SASH1: variants seen among roughly 807,000 people sequenced by gnomAD.
SASH1 encodes SAM and SH3 domain-containing protein 1.
A neutral mutation model predicts 125.2 loss-of-function variants in SASH1; 44 were observed. The ratio of observed to expected loss-of-function variants is 0.35; its 90% confidence interval spans 0.28 to 0.45. The LOEUF (loss-of-function observed/expected upper bound fraction) is 0.45. Ranked by LOEUF, SASH1 falls within the 20% of genes least tolerant of loss-of-function variation. The probability of loss-of-function intolerance (pLI) is 1.00; values close to 1 mark genes in which losing one functional copy is unlikely to be tolerated. For synonymous variants in SASH1, 639 were observed against 649.1 expected (o/e 0.98, Z 0.24); for missense variants, 1,426 against 1,614.5 (o/e 0.88, Z 2.00).
chr6:148,319,891 G>A (rs981105786), intron 1 of SASH1, among the ~76,000 whole-genome samples: 9 of 152,136 alleles, frequency 5.9e-5, no homozygotes, highest in Admixed American at 4.6e-4. Flanking sequence ...ATCCCTCCCA[G>A]GATGTGACTC....
the SASH1 span, among the ~76,000 whole-genome samples, chr6:148,244,676 G>T: frequency 3.3e-5 from 5 of 152,138 alleles, no homozygotes; most frequent in African/African-American, 1.2e-4. Context: ...TGTTGTTGCT[G>T]CTGTTGTTTC....
chr6:148,418,951 T>C (rs902486019), intron 2 of SASH1, among the ~76,000 whole-genome samples: 2 of 152,206 alleles, frequency 1.3e-5, no homozygotes, highest in Non-Finnish European at 2.9e-5. Context: ...GATTGAATCT[T>C]CCTTGAAACT....
intron 18 of SASH1, 116 bp from the exon 19 acceptor site, chr6:148,545,899 C>A: frequency 1.0e-6 from 1 of 996,512 alleles, no homozygotes; most frequent in Non-Finnish European, 1.5e-6. Flanking sequence ...CATGATCACA[C>A]CACTGCACTC....
chr6:148,444,376 G>A (rs1329060880), intron 4 of SASH1, among the ~76,000 whole-genome samples: 1 of 152,254 alleles, frequency 6.6e-6, no homozygotes, highest in Non-Finnish European at 1.5e-5. Context: ...GAGACAAGCA[G>A]TGAGATTTCC....
At chr6:148,497,721 A>C (rs1779372220) in intron 8 of SASH1, among the ~76,000 whole-genome samples, 1 of 152,254 alleles carries the variant, frequency 6.6e-6, no homozygotes, top group African/African-American at 2.4e-5. Flanking sequence ...ACTTAATGTA[A>C]AAGTGCATAC....
intron 1 of SASH1, among the ~76,000 whole-genome samples, chr6:148,378,300 C>T (rs1583050202): frequency 6.6e-6 from 1 of 151,970 alleles, no homozygotes; most frequent in East Asian, 1.9e-4. Flanking sequence ...GTGATCCACC[C>T]GCCTCAGCCT....
chr6:148,208,901 A>C, the SASH1 span, among the ~76,000 whole-genome samples: 1 of 152,228 alleles, frequency 6.6e-6, no homozygotes, highest in African/African-American at 2.4e-5. Context: ...AGATGTGGCC[A>C]TTTGCTATAA....
At chr6:148,312,814 T>C (rs1780367935) in intron 1 of SASH1, among the ~76,000 whole-genome samples, 1 of 152,110 alleles carries the variant, frequency 6.6e-6, no homozygotes, top group African/African-American at 2.4e-5. Flanking sequence ...TAGGTTCTAT[T>C]GTCCTATAGG....
intron 2 of SASH1, among the ~76,000 whole-genome samples, chr6:148,439,520 T>C (rs1201314401): frequency 6.6e-6 from 1 of 152,164 alleles, no homozygotes; most frequent in Non-Finnish European, 1.5e-5. Flanking sequence ...GGCTCATGCC[T>C]GTAATCCCAG....
chr6:148,290,825 C>A (rs1481042766), intron 1 of SASH1, among the ~76,000 whole-genome samples: 3 of 147,384 alleles, frequency 2.0e-5, no homozygotes, highest in Non-Finnish European at 3.0e-5. Flanking sequence ...TCCTATGACC[C>A]TGCCAAATCC....
At position 148,547,348 on chromosome 6, in the gene SASH1, G is replaced by A. The variant is rs117826018; in HGVS notation, c.3481-947G>A. Among the ~76,000 whole-genome samples, 1,111 of 152,244 alleles carry A rather than the reference G, an allele frequency of 7.3e-3. 8 individuals are homozygous for A. Among genetic ancestry groups the A allele is most frequent in the Non-Finnish European group, 0.012 (821 of 68,002 alleles). ...TTAGACAAAGGGATGATTGTCAGGT[G>A]GGACAGAGCTGGGTGGTGTGAGATT... On this transcript the variant is annotated intron_variant, in intron 19 of 19. Coordinates refer to ENST00000367467, the MANE Select transcript of SASH1 (RefSeq NM_015278.5).
At chr6:148,427,295 G>T (rs1298879930) in intron 2 of SASH1, among the ~76,000 whole-genome samples, 1 of 152,148 alleles carries the variant, frequency 6.6e-6, no homozygotes, top group Non-Finnish European at 1.5e-5. Flanking sequence ...TTATAGTGTG[G>T]ATATGCCAAG....
At chr6:148,306,756 A>G (rs985964253) in intron 1 of SASH1, among the ~76,000 whole-genome samples, 1 of 152,308 alleles carries the variant, frequency 6.6e-6, no homozygotes. Flanking sequence ...AAGAGGCTGT[A>G]GAACACATCA....
At chr6:148,525,905 C>G (rs1781118119) in intron 11 of SASH1, among the ~76,000 whole-genome samples, 1 of 152,156 alleles carries the variant, frequency 6.6e-6, no homozygotes, top group Non-Finnish European at 1.5e-5. Context: ...GACCAGATCC[C>G]TCAGGGGTCT....
rs375953532 is a variant in SASH1 at position 148,543,671 on chromosome 6, G to A, written c.2210-9G>A. 3.2e-5 allele frequency: 48 copies of A among 1,520,244 alleles called. No individual in the cohort carries two copies. Among genetic ancestry groups the A allele is most frequent in the Non-Finnish European group, 4.1e-5 (47 of 1,135,212 alleles). 94.2% of individuals were successfully genotyped at this position (1,520,244 alleles called of 1,614,324 possible). Reference sequence around the variant, plus strand: ...AAATGTGATTGTAAAATATTCCCTTGTCTCACAGGCAAGACTCGGAAAGCT... The same window carrying A: ...AAATGTGATTGTAAAATATTCCCTTATCTCACAGGCAAGACTCGGAAAGCT... On this transcript the variant is annotated splice_polypyrimidine_tract_variant and intron_variant, in intron 17 of 19. Coordinates refer to ENST00000367467, the MANE Select transcript of SASH1 (RefSeq NM_015278.5).
chr6:148,432,437 A>G (rs1259496398), intron 2 of SASH1, among the ~76,000 whole-genome samples: 5 of 152,202 alleles, frequency 3.3e-5, no homozygotes, highest in Non-Finnish European at 5.9e-5. Flanking sequence ...AAAAAAACGT[A>G]AATCTGTGAC....
chr6:148,210,468 G>A, the SASH1 span, among the ~76,000 whole-genome samples: 1 of 152,238 alleles, frequency 6.6e-6, no homozygotes, highest in Non-Finnish European at 1.5e-5. Context: ...AGGAGGTGGA[G>A]GTTGCAGTGA....
At chr6:148,530,667 T>C (rs1010139643) in intron 12 of SASH1, among the ~76,000 whole-genome samples, 25 of 152,248 alleles carry the variant, frequency 1.6e-4, no homozygotes, top group South Asian at 6.2e-4. Flanking sequence ...CGGCCATATG[T>C]AATATGCCAG....
Position 148,548,822 on chromosome 6 carries a change from C to T in SASH1, c.*264C>T. On this transcript the variant is annotated 3_prime_UTR_variant, in exon 20 of 20. Coordinates refer to ENST00000367467, the MANE Select transcript of SASH1 (RefSeq NM_015278.5). ...TTTTTATTTTCAGAAGACAAAAGAA[C>T]CAAGATGCCAACTGGCTGCGAATGC... 2.7e-6 allele frequency: 1 copy of T among 376,884 alleles called. No individual in the cohort carries two copies. Among genetic ancestry groups the T allele is most frequent in the East Asian group, 4.5e-5 (1 of 22,346 alleles). 23.3% of individuals were successfully genotyped at this position (376,884 alleles called of 1,614,324 possible).
Sources: allele counts gnomAD v4.1 joint callset (sites outside exome capture counted in the v4.1 genomes callset), GRCh38; gene constraint gnomAD v4.1.1; transcripts MANE v1.5; gene names NCBI Gene and HGNC (gene_info 2026-07-23, HGNC 2026-07-21).